The following MALT1 variants were observed in gnomAD, a reference collection of about 807,000 sequenced individuals.
The protein encoded by MALT1 is mucosa-associated lymphoid tissue lymphoma translocation protein 1.
In MALT1, 36 loss-of-function variants were observed where a neutral mutation model predicts 85.5. That is an observed-to-expected ratio of 0.42 (90% CI 0.32 to 0.56). The LOEUF (loss-of-function observed/expected upper bound fraction) is 0.56, where lower values mean the gene tolerates loss of function less well. Ranked by LOEUF, MALT1 falls within the 20% of genes least tolerant of loss-of-function variation. The pLI is 0.10. For missense variants in MALT1, 716 were observed against 981.6 expected (o/e 0.73, Z 3.62); for synonymous variants, 359 against 361.3 (o/e 0.99, Z 0.07).
At chr18:58,687,366 C>G (rs2054419756) in intron 2 of MALT1, among the ~76,000 whole-genome samples, 1 of 152,072 alleles carries the variant, frequency 6.6e-6, no homozygotes, top group Non-Finnish European at 1.5e-5. Flanking sequence ...ATGTGGGAAA[C>G]TAGATTTAGC....
intron 3 of MALT1, among the ~76,000 whole-genome samples, chr18:58,698,759 G>T (rs1200716004): frequency 6.6e-6 from 1 of 152,186 alleles, no homozygotes; most frequent in East Asian, 1.9e-4. Flanking sequence ...ATTTAGTAGG[G>T]AAAGGCAGGG....
chr18:58,721,984 G>A (rs1237101556), intron 9 of MALT1, among the ~76,000 whole-genome samples: 2 of 152,066 alleles, frequency 1.3e-5, no homozygotes, highest in Non-Finnish European at 2.9e-5. Context: ...CTGCTCCCTG[G>A]CATTTCTGTC....
In MALT1 at chr18:58,671,783, A is replaced by T; in HGVS notation, c.140A>T (p.Gln47Leu). Residue 47 changes from glutamine (Q) to leucine (L), a missense_variant, in exon 1 of 17, where the codon CAG becomes CTG. This residue lies in a region of MALT1 where 80 missense variants were observed against 65.1 expected (regional missense o/e 1.23). Transcript: ENST00000649217. Reference protein sequence around the residue: ...LLRRLSELLDQAPEGRGWRRL... With the variant: ...LLRRLSELLDLAPEGRGWRRL... ...CGGAGGCTCAGCGAGCTCCTGGATC[A>T]GGCGCCCGAGGGCCGGGGCTGGAGG... 1 of 1,252,444 alleles carries T rather than the reference A, an allele frequency of 8.0e-7. No homozygotes were observed. Among genetic ancestry groups the T allele is most frequent in the South Asian group, 3.0e-5 (1 of 33,070 alleles). 77.6% of individuals were successfully genotyped at this position (1,252,444 alleles called of 1,614,324 possible). A position where few individuals can be genotyped will look rare whatever the true frequency, so the allele number is the denominator to read the frequency against.
intron 1 of MALT1, chr18:58,672,989 A>T (rs1362917592): frequency 6.6e-6 from 1 of 152,210 alleles, no homozygotes; most frequent in East Asian, 1.9e-4. Flanking sequence ...TAGAACCATT[A>T]CTTTATACCA....
chr18:58,699,652 C>CAA (rs1207761629), intron 3 of MALT1, among the ~76,000 whole-genome samples: 1 of 152,154 alleles, frequency 6.6e-6, no homozygotes, highest in Admixed American at 6.5e-5. Context: ...TGGAGGTGCT[C>CAA]AAAGAGTTTT....
chr18:58,744,562 AACTT>A, intron 15 of MALT1, 67 bp downstream of exon 15: 1 of 929,272 alleles, frequency 1.1e-6, no homozygotes, highest in Non-Finnish European at 1.6e-6. Context: ...AATTTTTTAA[AACTT>A]AAAGTTGATG....
At chr18:58,717,746 CAAAAAAAAAAA>C (rs35207196) in intron 9 of MALT1, among the ~76,000 whole-genome samples, 4 of 100,570 alleles carry the variant, frequency 4.0e-5, no homozygotes, top group African/African-American at 1.5e-4. Flanking sequence ...ACTCTTGTCT[CAAAAAAAAAAA>C]AAAAAAAAAA....
intron 2 of MALT1, chr18:58,690,874 G>T: frequency 9.0e-6 from 2 of 222,296 alleles, no homozygotes; most frequent in South Asian, 1.5e-4. Context: ...TTCTGAATTT[G>T]ATCTCTCATG....
intron 2 of MALT1, among the ~76,000 whole-genome samples, chr18:58,685,553 AG>A (rs1403507264): frequency 6.6e-6 from 1 of 152,198 alleles, no homozygotes; most frequent in Non-Finnish European, 1.5e-5. Flanking sequence ...TTCTGTGATG[AG>A]GACCCAGCTT....
At chr18:58,675,625 CAG>C (rs1201656342) in intron 1 of MALT1, among the ~76,000 whole-genome samples, 1 of 152,144 alleles carries the variant, frequency 6.6e-6, no homozygotes, top group Non-Finnish European at 1.5e-5. Flanking sequence ...ATGGACAAGA[CAG>C]AATTTTATTG....
intron 11 of MALT1, 68 bp from the exon 12 acceptor site, chr18:58,734,239 A>G (rs914236222): frequency 4.1e-6 from 5 of 1,221,000 alleles, no homozygotes; most frequent in Non-Finnish European, 4.8e-6. Flanking sequence ...CTCATTATTT[A>G]TACCCTTTTA....
At chr18:58,678,950 GGATGAGGT>G (rs2144304689) in intron 1 of MALT1, among the ~76,000 whole-genome samples, 1 of 152,310 alleles carries the variant, frequency 6.6e-6, no homozygotes, top group South Asian at 2.1e-4. Context: ...CTGCAAAGAT[GGATGAGGT>G]GTGAATTCTA....
Position 58,747,628 on chromosome 18 carries a change from A to T in MALT1, c.2261A>T (p.Gln754Leu). Residue 754 changes from glutamine (Q) to leucine (L), a missense_variant, in exon 17 of 17, where the codon CAA becomes CTA. Gln to Leu is a moderately radical substitution (Grantham distance 113). Coordinates refer to ENST00000649217, the MANE Select transcript of MALT1 (RefSeq NM_006785.4). The stretch of plus-strand genomic sequence containing the variant: ...GGAGCAGGGCATTATCACTCATTGC[A>T]AGACCCATTCCATGGTGTTTACCAT... ...SGGAGHYHSL[Q>L]DPFHGVYHSH... 3.1e-6 allele frequency: 5 copies of T among 1,614,216 alleles called. No individual in the cohort carries two copies. The highest frequency in any genetic ancestry group is 4.2e-6 in the Non-Finnish European group (5 of 1,180,028).
At chr18:58,728,048 G>A (rs2055089517) in intron 10 of MALT1, among the ~76,000 whole-genome samples, 1 of 152,166 alleles carries the variant, frequency 6.6e-6, no homozygotes, top group South Asian at 2.1e-4. Context: ...TAAGTGGAGT[G>A]CATATTCAGT....
chr18:58,746,037 G>GAAT (rs2055362492), intron 16 of MALT1, among the ~76,000 whole-genome samples: 1 of 152,022 alleles, frequency 6.6e-6, no homozygotes, highest in East Asian at 1.9e-4. Context: ...TTTTTTTAGA[G>GAAT]ACAGAGTCTT....
Position 58,705,289 on chromosome 18 carries a change from CGTGTGTGT to C in MALT1, c.650-4062_650-4055del, listed in dbSNP as rs59890170. The stretch of plus-strand genomic sequence containing the variant: ...ACTTTTGAGCAATCTTGTAAAAGTA[CGTGTGTGT>C]GTGTGTGTGTGTGTGTGTGTGTGTG... On this transcript the variant is annotated intron_variant, in intron 4 of 16. Transcript: ENST00000649217. Among the ~76,000 whole-genome samples, 689 of 147,104 alleles carry C rather than the reference CGTGTGTGT, an allele frequency of 4.7e-3. 2 individuals are homozygous for C. Among genetic ancestry groups the C allele is most frequent in the Non-Finnish European group, 8.1e-3 (545 of 66,882 alleles).
intron 3 of MALT1, 132 bp downstream of exon 3, chr18:58,696,619 G>A (rs985488876): frequency 1.6e-5 from 10 of 639,660 alleles, no homozygotes; most frequent in Non-Finnish European, 2.4e-5. Flanking sequence ...GGTTATTACT[G>A]AAGTAGTCAA....
intron 10 of MALT1, among the ~76,000 whole-genome samples, chr18:58,732,049 T>C (rs902155466): frequency 2.0e-5 from 3 of 152,180 alleles, no homozygotes; most frequent in Non-Finnish European, 4.4e-5. Context: ...ATGAAGCAAA[T>C]TGTCTTTAAT....
rs886687397 is a variant in MALT1, at chr18:58,750,655, G to A, written c.*2813G>A. The A allele has an allele frequency of 1.3e-5, 2 of 152,146 alleles. No homozygotes were observed. The highest frequency in any genetic ancestry group is 4.8e-5 in the African/African-American group (2 of 41,428). The allele number at this position is 152,146 out of a possible 1,614,324, so 9.4% of individuals were successfully genotyped here. On this transcript the variant is annotated 3_prime_UTR_variant, in exon 17 of 17. Transcript: ENST00000649217. ...GAAGGAGTGGTCTTTTCAACAAACG[G>A]TGCTGGGACAACTAACTGGTAGCTA...
Sources: gnomAD v4.1 joint callset for allele counts (sites outside exome capture counted in the v4.1 genomes callset) on GRCh38, gnomAD v4.1.1 for gene constraint, gnomAD v4.1.1 regional missense constraint, MANE v1.5 for transcripts, NCBI Gene and HGNC (gene_info 2026-07-23, HGNC 2026-07-21) for gene names.